HIPK3: variants seen among roughly 807,000 people sequenced by gnomAD.
The protein encoded by HIPK3 is homeodomain interacting protein kinase 3.
In HIPK3, 47 loss-of-function variants were observed where a neutral mutation model predicts 124.2. The observed-to-expected ratio is 0.38, with a 90% CI of 0.30 to 0.48. HIPK3 has a LOEUF of 0.48. Among genes scored for constraint, HIPK3 ranks in the 20% least tolerant of loss-of-function variants. The pLI is 0.98. For synonymous variants in HIPK3, 482 were observed against 515.2 expected, an observed-to-expected ratio of 0.94 and a Z score of 0.87; for missense variants, 1,286 against 1,454.3, an observed-to-expected ratio of 0.88 and a Z score of 1.88.
chr11:33,346,351 CAATT>C (rs1424446201), intron 8 of HIPK3, among the ~76,000 whole-genome samples: 1 of 152,144 alleles, frequency 6.6e-6, no homozygotes, highest in Admixed American at 6.5e-5. Flanking sequence ...GAATACTAGT[CAATT>C]AAGCCACATT....
intron 2 of HIPK3, among the ~76,000 whole-genome samples, chr11:33,290,672 C>T (rs377176568): frequency 1.9e-4 from 28 of 147,126 alleles, no homozygotes; most frequent in African/African-American, 4.0e-4. Flanking sequence ...GAATGTCTGT[C>T]GGTTTACTAA....
chr11:33,293,556 A>G (rs1249968961), intron 2 of HIPK3, among the ~76,000 whole-genome samples: 1 of 151,756 alleles, frequency 6.6e-6, no homozygotes, highest in Non-Finnish European at 1.5e-5. Context: ...TTTTTCACTT[A>G]ACATAATATT....
At chr11:33,276,272 CTTTAG>C (rs1851267556) in intron 1 of HIPK3, among the ~76,000 whole-genome samples, 1 of 152,206 alleles carries the variant, frequency 6.6e-6, no homozygotes, top group Non-Finnish European at 1.5e-5. Context: ...TGTTGTATCT[CTTTAG>C]TTTAATCTGT....
chr11:33,347,254 A>C, intron 8 of HIPK3, 39 bp from the exon 9 acceptor site: 1 of 1,565,376 alleles, frequency 6.4e-7, no homozygotes, highest in Non-Finnish European at 8.7e-7. Context: ...AATAAGAGGA[A>C]GATTTTTTCT....
At chr11:33,350,926 A>G (rs775923513) in intron 14 of HIPK3, among the ~76,000 whole-genome samples, 8 of 152,084 alleles carry the variant, frequency 5.3e-5, no homozygotes, top group Non-Finnish European at 1.0e-4. Flanking sequence ...TAAAATATAT[A>G]TAAACAAATA....
rs1256979898 is a variant in HIPK3, at chr11:33,347,421, A to G, written c.2019+7A>G. ...ACCAGGAGTTCTTTCTCAGGTTGGT[A>G]ATAATTCATTCTTTGCCATATATCA... is the stretch of plus-strand genomic sequence containing the variant. On this transcript the variant is annotated splice_region_variant and intron_variant, in intron 9 of 16. Transcript: ENST00000303296. 6.2e-7 allele frequency: 1 copy of G among 1,613,232 alleles called. No homozygotes were observed.
chr11:33,315,025 AATAAT>A (rs1852456265), intron 2 of HIPK3, among the ~76,000 whole-genome samples: 1 of 152,248 alleles, frequency 6.6e-6, no homozygotes, highest in Non-Finnish European at 1.5e-5. Flanking sequence ...ATGTAGCACT[AATAAT>A]ATAGTGTGTA....
chr11:33,321,026 G>A (rs561066826), intron 2 of HIPK3, among the ~76,000 whole-genome samples: 66 of 152,264 alleles, frequency 4.3e-4, no homozygotes, highest in African/African-American at 1.6e-3. Flanking sequence ...GATTCCCAAA[G>A]ACTGAGCCTT....
At chr11:33,258,058 C>G (rs541013196) in intron 1 of HIPK3, among the ~76,000 whole-genome samples, 169 bp downstream of exon 1, 7 of 152,222 alleles carry the variant, frequency 4.6e-5, no homozygotes, top group Non-Finnish European at 8.8e-5. Context: ...CCAGCGCTCT[C>G]GTGCTCCCAG....
intron 2 of HIPK3, among the ~76,000 whole-genome samples, chr11:33,319,395 C>T (rs12574436): frequency 6.6e-6 from 1 of 151,662 alleles, no homozygotes; most frequent in African/African-American, 2.4e-5. Flanking sequence ...ACTTGGGAGG[C>T]TGAGGCAGGA....
chr11:33,305,200 C>T (rs1852120868), intron 2 of HIPK3, among the ~76,000 whole-genome samples: 4 of 152,012 alleles, frequency 2.6e-5, no homozygotes, highest in Admixed American at 2.0e-4. Context: ...CAGGGTTTCA[C>T]CACGTTGGCC....
chr11:33,331,896 A>T (rs1419070135), intron 3 of HIPK3, among the ~76,000 whole-genome samples: 1 of 152,128 alleles, frequency 6.6e-6, no homozygotes, highest in East Asian at 1.9e-4. Flanking sequence ...TTAACAGTAT[A>T]TCATATTCTT....
At chr11:33,340,929 T>TA (rs1335031795) in intron 6 of HIPK3, 39 bp from the exon 7 acceptor site, 3 of 1,270,006 alleles carry the variant, frequency 2.4e-6, no homozygotes, top group Non-Finnish European at 3.2e-6. Flanking sequence ...ACTAAGCTTT[T>TA]AAAATAATAC....
chr11:33,260,924 C>G (rs1038218), intron 1 of HIPK3, among the ~76,000 whole-genome samples: 1 of 151,474 alleles, frequency 6.6e-6, no homozygotes, highest in Non-Finnish European at 1.5e-5. Flanking sequence ...CTTCTGAAGA[C>G]AAACTACTAA....
At chr11:33,258,005 C>T in intron 1 of HIPK3, 116 bp downstream of exon 1, 1 of 860,262 alleles carries the variant, frequency 1.2e-6, no homozygotes, top group Non-Finnish European at 1.4e-6. Context: ...ACACCTCCGG[C>T]GCAGCCCGCA....
chr11:33,305,853 A>AT (rs34234908), intron 2 of HIPK3, among the ~76,000 whole-genome samples: 43,296 of 149,228 alleles, frequency 0.29, 7,152 homozygotes, highest in Middle Eastern at 0.43. Flanking sequence ...CAATTTTTTT[A>AT]TTTTTTTTTT....
At chr11:33,347,791 A>G (rs200480487) in intron 10 of HIPK3, 38 bp downstream of exon 10, 1,007 of 1,612,986 alleles carry the variant, frequency 6.2e-4, no homozygotes, top group Admixed American at 1.3e-3. Context: ...AATAGTTTGC[A>G]GACTAGATCT....
chr11:33,282,947 A>C (rs1326811910), intron 1 of HIPK3, among the ~76,000 whole-genome samples: 1 of 152,176 alleles, frequency 6.6e-6, no homozygotes, highest in Non-Finnish European at 1.5e-5. Context: ...TGGAAGCCTC[A>C]CAAAAGTGCC....
intron 8 of HIPK3, among the ~76,000 whole-genome samples, chr11:33,344,389 C>T (rs1318654219): frequency 2.0e-5 from 3 of 152,088 alleles, no homozygotes; most frequent in African/African-American, 4.8e-5. Flanking sequence ...GTATATTTCA[C>T]GAAGATTTAG....
Sources: allele counts gnomAD v4.1 joint callset (sites outside exome capture counted in the v4.1 genomes callset), GRCh38; gene constraint gnomAD v4.1.1; transcripts MANE v1.5; gene names NCBI Gene and HGNC (gene_info 2026-07-23, HGNC 2026-07-21).